The following TBCD variants were observed in gnomAD, a reference collection of about 807,000 sequenced individuals.
TBCD encodes tubulin-specific chaperone D.
In TBCD, 105 loss-of-function variants were observed where a neutral mutation model predicts 169.3. The observed-to-expected ratio is 0.62, with a 90% confidence interval of 0.53 to 0.73. The LOEUF is 0.73. Among genes scored for constraint, TBCD ranks in the 30% least tolerant of loss-of-function variants. The pLI, the probability that TBCD is intolerant of heterozygous loss-of-function variation, is 0.00. For synonymous variants in TBCD, 700 were observed against 643.9 expected, an observed-to-expected ratio of 1.09 and a Z score of -1.32; for missense variants, 1,444 against 1,600.1, an observed-to-expected ratio of 0.90 and a Z score of 1.66.
At chr17:82,856,182 A>G (rs1451752297) in intron 13 of TBCD, among the ~76,000 whole-genome samples, 1 of 151,806 alleles carries the variant, frequency 6.6e-6, no homozygotes, top group East Asian at 1.9e-4. Flanking sequence ...CATGTCAGTG[A>G]AGTAAATGGA....
Position 82,930,446 on chromosome 17 carries a change from T to C in TBCD, c.2992-76T>C. ...GCAGTTCTGCTCTTCAGCAGATGCT[T>C]GACCGGCTGTAGCCAAGCCTGAGGG... On this transcript the variant is annotated intron_variant, in intron 32 of 38. Coordinates refer to ENST00000355528, the MANE Select transcript of TBCD (RefSeq NM_005993.5). The surrounding 1 kb of genome is among the most constrained non-coding windows in gnomAD (Gnocchi z 5.2). The C allele has an allele frequency of 6.4e-7, 1 of 1,556,720 alleles. No individual in the cohort carries two copies.
chr17:82,802,852 T>C (rs536330543), intron 9 of TBCD, among the ~76,000 whole-genome samples: 2 of 152,348 alleles, frequency 1.3e-5, no homozygotes, highest in East Asian at 3.9e-4. Context: ...CGCAGTCAGG[T>C]TGCCATGTAA....
Position 82,920,675 on chromosome 17 carries a change from A to T in TBCD, c.2101+57A>T, listed in dbSNP as rs2061365744. The T allele has an allele frequency of 7.0e-7, 1 of 1,426,660 alleles. No homozygotes were observed. The highest frequency in any genetic ancestry group is 1.4e-5 in the African/African-American group (1 of 69,320). The allele number at this position is 1,426,660 out of a possible 1,614,324, so 88.4% of individuals were successfully genotyped here. ...TCTTACAGAATGACTTCAGATTAAA[A>T]GGTAAAAATGAACCTGTTAGGATGG... On this transcript the variant is annotated intron_variant, in intron 24 of 38. Coordinates refer to ENST00000355528, the MANE Select transcript of TBCD (RefSeq NM_005993.5). The surrounding 1 kb of genome is among the most constrained non-coding windows in gnomAD (Gnocchi z 4.1).
At chr17:82,937,986 G>A (rs1192303062) in intron 35 of TBCD, 63 bp from the exon 36 acceptor site, 1 of 1,597,556 alleles carries the variant, frequency 6.3e-7, no homozygotes, top group African/African-American at 1.3e-5. Context: ...TTGGGTCCGG[G>A]GTTTGCTGGG....
At chr17:82,858,968 G>A (rs775811729) in intron 13 of TBCD, among the ~76,000 whole-genome samples, 3 of 152,240 alleles carry the variant, frequency 2.0e-5, no homozygotes. Context: ...GTCTTGGGCC[G>A]TGAGGCCGGG....
intron 13 of TBCD, chr17:82,830,809 G>A: frequency 6.2e-7 from 1 of 1,613,504 alleles, no homozygotes; most frequent in African/African-American, 1.3e-5. Flanking sequence ...CGGACTGGAA[G>A]GCGCGGCCTC....
Position 82,893,281 on chromosome 17 carries a change from G to A in TBCD, c.1564-266G>A, listed in dbSNP as rs557652604. On this transcript the variant is annotated intron_variant, in intron 16 of 38. Transcript: ENST00000355528. Reference sequence around the variant, plus strand: ...AGGTCTCTTACCACGTACCGAAGTGGAAATGTTTGAGTTGTTTGAAAAAGA... The same window carrying A: ...AGGTCTCTTACCACGTACCGAAGTGAAAATGTTTGAGTTGTTTGAAAAAGA... 1.4e-5 allele frequency: 7 copies of A among 491,090 alleles called. No individual in the cohort carries two copies. The South Asian group carries it at 2.0e-4, about 14-fold the overall frequency. 30.4% of individuals were successfully genotyped at this position (491,090 alleles called of 1,614,324 possible).
intron 9 of TBCD, among the ~76,000 whole-genome samples, chr17:82,802,615 C>G (rs1424720087): frequency 2.0e-4 from 30 of 152,238 alleles, no homozygotes; most frequent in Non-Finnish European, 1.5e-5. Flanking sequence ...TGGTTTTAGT[C>G]TGAAGACAGA....
rs933438750 is a variant in TBCD at position 82,874,914 on chromosome 17, C to T, written c.1475+4534C>T. On this transcript the variant is annotated intron_variant, in intron 14 of 38. Transcript: ENST00000355528. This position sits in a 1 kb window ranked among gnomAD's most constrained non-coding sequence, Gnocchi z 5.0. ...AACTTTCACAAGTTCTTCGGTGGGT[C>T]CTGTAACAGTGGGTGCTTGGGATCA... Among the ~76,000 whole-genome samples the T allele has an allele frequency of 6.6e-6, 1 of 152,142 alleles. No individual in the cohort carries two copies. Among genetic ancestry groups the T allele is most frequent in the Non-Finnish European group, 1.5e-5 (1 of 68,022 alleles).
At chr17:82,866,910 C>T (rs922366167) in intron 13 of TBCD, among the ~76,000 whole-genome samples, 1 of 152,190 alleles carries the variant, frequency 6.6e-6, no homozygotes, top group Non-Finnish European at 1.5e-5. Flanking sequence ...GGGCCTCTGG[C>T]TGGACCTCCT....
intron 17 of TBCD, among the ~76,000 whole-genome samples, chr17:82,896,979 T>C (rs901524481): frequency 6.6e-6 from 1 of 152,086 alleles, no homozygotes; most frequent in Non-Finnish European, 1.5e-5. Context: ...AGCAGCTGAC[T>C]AACTCGTGTT....
intron 27 of TBCD, among the ~76,000 whole-genome samples, chr17:82,925,666 C>T (rs2061680850): frequency 6.6e-6 from 1 of 152,238 alleles, no homozygotes. Flanking sequence ...CAGACGGACT[C>T]CTGCCTGTGT....
chr17:82,828,282 AC>A (rs139017932), intron 13 of TBCD, among the ~76,000 whole-genome samples: 1,896 of 100,060 alleles, frequency 0.019, 24 homozygotes, highest in Non-Finnish European at 0.024. Context: ...ATGCACACAC[AC>A]CCCCCCACAG....
chr17:82,815,984 C>T (rs1420657545), intron 13 of TBCD, among the ~76,000 whole-genome samples: 1 of 152,066 alleles, frequency 6.6e-6, no homozygotes, highest in African/African-American at 2.4e-5. Context: ...TACAGAGTTG[C>T]GCAACTATTG....
intron 13 of TBCD, among the ~76,000 whole-genome samples, chr17:82,843,997 A>T (rs2054775488): frequency 6.6e-6 from 1 of 151,376 alleles, no homozygotes. Context: ...CTTTATCCTC[A>T]GTAGTCTTAG....
At chr17:82,908,399 G>A in intron 21 of TBCD, 2 of 455,964 alleles carry the variant, frequency 4.4e-6, no homozygotes, top group Non-Finnish European at 8.8e-6. Context: ...TCATCTTTCT[G>A]GGCTTTGAGA....
Position 82,929,318 on chromosome 17 carries a change from G to A in TBCD, c.2853-44G>A, listed in dbSNP as rs729123. 215,614 of 1,610,000 alleles carry A rather than the reference G, an allele frequency of 0.13. 16,285 individuals are homozygous for A. Among genetic ancestry groups the A allele is most frequent in the South Asian group, 0.26 (23,678 of 90,982 alleles). On this transcript the variant is annotated intron_variant, in intron 31 of 38. Transcript: ENST00000355528. ...CCCGTGCTGGCCCCGCAGCCATGGC[G>A]AGATCATTGGCAGCCCGGCCTTGTC...
Position 82,880,594 on chromosome 17 carries a change from A to C in TBCD, c.1476-3551A>C, listed in dbSNP as rs1055237036. On this transcript the variant is annotated intron_variant, in intron 14 of 38. Coordinates refer to ENST00000355528, the MANE Select transcript of TBCD (RefSeq NM_005993.5). The surrounding 1 kb of genome is among the most constrained non-coding windows in gnomAD (Gnocchi z 5.0). ...CTGCTGGATGCCCCAAGGATCTGGC[A>C]GGAGGAGGCATCCAGGCCCTCAGGG... 6.6e-6 allele frequency among the ~76,000 whole-genome samples: 1 copy of C among 152,212 alleles called. No homozygotes were observed. The highest frequency in any genetic ancestry group is 2.4e-5 in the African/African-American group (1 of 41,446).
intron 5 of TBCD, among the ~76,000 whole-genome samples, chr17:82,768,845 AT>A (rs941467818): frequency 1.3e-5 from 2 of 152,236 alleles, no homozygotes; most frequent in Non-Finnish European, 2.9e-5. Flanking sequence ...GTGAGAGAGA[AT>A]AAGGACCCAT....
Sources: gnomAD v4.1 joint callset for allele counts (sites outside exome capture counted in the v4.1 genomes callset) on GRCh38, gnomAD v4.1.1 for gene constraint, Gnocchi (gnomAD v3.1) non-coding constraint, MANE v1.5 for transcripts, NCBI Gene and HGNC (gene_info 2026-07-23, HGNC 2026-07-21) for gene names.